RABL6: variants seen among roughly 807,000 people sequenced by gnomAD.
RABL6 encodes the protein rab-like protein 6.
In RABL6, 28 loss-of-function variants were observed where a neutral mutation model predicts 72.9. The ratio of observed to expected loss-of-function variants is 0.38; its 90% CI spans 0.28 to 0.53. RABL6 has a LOEUF of 0.53. RABL6 is among the 20% of genes least tolerant of loss of function. The pLI, the probability that RABL6 is intolerant of heterozygous loss-of-function variation, is 0.80. For synonymous variants in RABL6, 477 were observed against 421.2 expected (o/e 1.13, Z -1.62); for missense variants, 1,029 against 1,008.4 (o/e 1.02, Z -0.28).
At chr9:136,837,232 A>T in intron 8 of RABL6, 114 bp from the exon 9 acceptor site, 1 of 1,240,302 alleles carries the variant, frequency 8.1e-7, no homozygotes, top group Non-Finnish European at 1.2e-6. Flanking sequence ...CGGGTGGCCC[A>T]GAACACAGTG....
In RABL6 at chr9:136,840,794, A is replaced by G. The variant is rs747312411; in HGVS notation, c.*272A>G. ...CTGGCCCTCTCGGGGCAGAGCCGCC[A>G]GTGTTTCTCAGGGATGTGACTGAGG... On this transcript the variant is annotated 3_prime_UTR_variant, in exon 15 of 15. Coordinates refer to ENST00000311502, the MANE Select transcript of RABL6 (RefSeq NM_024718.5). The G allele has an allele frequency of 1.1e-5, 17 of 1,547,362 alleles. No homozygotes were observed. Among genetic ancestry groups the G allele is most frequent in the Non-Finnish European group, 1.5e-5 (17 of 1,146,768 alleles).
chr9:136,818,692 C>T (rs915057004), intron 1 of RABL6, among the ~76,000 whole-genome samples: 4 of 151,688 alleles, frequency 2.6e-5, no homozygotes, highest in Admixed American at 2.0e-4. Context: ...TTGCAGTGAG[C>T]CAAGACTGCA....
At position 136,840,404 on chromosome 9, in the gene RABL6, G is replaced by GGCAGCA; in HGVS notation, c.2075_2080dup (p.Gln692_Gln693dup). On this transcript the variant is annotated inframe_insertion, in exon 15 of 15. Coordinates refer to ENST00000311502, the MANE Select transcript of RABL6 (RefSeq NM_024718.5). ...GAGGGCAAGGAGGAGCGGCGACGGC[G>GGCAGCA]GCAGCAGCGGCCCCCGCGCAGCAGG... 5 of 1,550,770 alleles carry GGCAGCA rather than the reference G, an allele frequency of 3.2e-6. No homozygotes were observed. Among genetic ancestry groups the GGCAGCA allele is most frequent in the Non-Finnish European group, 4.4e-6 (5 of 1,147,234 alleles).
At chr9:136,829,043 C>G (rs1057325513) in intron 4 of RABL6, among the ~76,000 whole-genome samples, 2 of 152,204 alleles carry the variant, frequency 1.3e-5, no homozygotes, top group East Asian at 3.9e-4. Context: ...GGCACTGGAA[C>G]CTTCCGGAAC....
rs188295843 is a variant in RABL6, at chr9:136,822,633, C to T, written c.131-892C>T. 1.5e-4 allele frequency among the ~76,000 whole-genome samples: 23 copies of T among 152,334 alleles called. No homozygotes were observed. In the East Asian group the frequency reaches 2.1e-3, roughly 14 times the overall value. ...CTCCCGCCTTTGCTAAGTCCGTGCT[C>T]CCCTCCCAGCTGCCCTCCCTCCCCC... On this transcript the variant is annotated intron_variant, in intron 1 of 14. Coordinates refer to ENST00000311502, the MANE Select transcript of RABL6 (RefSeq NM_024718.5).
chr9:136,823,351 C>G (rs1305624373), intron 1 of RABL6, among the ~76,000 whole-genome samples, 174 bp from the exon 2 acceptor site: 1 of 152,184 alleles, frequency 6.6e-6, no homozygotes, highest in African/African-American at 2.4e-5. Flanking sequence ...GGAGAGGTTG[C>G]CATGGTACCC....
intron 1 of RABL6, among the ~76,000 whole-genome samples, chr9:136,811,214 A>G (rs1162224314): frequency 1.3e-5 from 2 of 152,210 alleles, no homozygotes; most frequent in Non-Finnish European, 2.9e-5. Context: ...GGTTTTATAC[A>G]TTTTAGACAT....
chr9:136,839,085 C>T lies in RABL6; in HGVS notation c.1457C>T (p.Pro486Leu), dbSNP rs763416950. ...EVAAPTKGPA[P>L]APQQCSEPET... ...GCAGCTCCCACAAAAGGCCCTGCCC[C>T]AGCTCCCCAGCAGTGCTCAGAGCCA... The change falls in exon 11 of 15, where the codon CCA (proline) becomes CTA (leucine). Residue 486 changes from proline to leucine, a missense_variant. Pro to Leu is a moderately conservative substitution (Grantham distance 98, BLOSUM62 -3). Around this residue, in one of 2 missense-constraint regions of RABL6, gnomAD observed 595 missense variants for 472.4 expected, o/e 1.26. Transcript: ENST00000311502. The T allele has an allele frequency of 7.4e-6, 12 of 1,612,416 alleles. No individual in the cohort carries two copies. In the East Asian group the frequency reaches 1.8e-4, roughly 24 times the overall value.
chr9:136,837,231 C>T (rs1848599221), intron 8 of RABL6, 115 bp from the exon 9 acceptor site: 3 of 1,234,424 alleles, frequency 2.4e-6, no homozygotes, highest in Non-Finnish European at 3.5e-6. Context: ...GCGGGTGGCC[C>T]AGAACACAGT....
chr9:136,811,533 G>A (rs1384398319), intron 1 of RABL6, among the ~76,000 whole-genome samples: 1 of 151,402 alleles, frequency 6.6e-6, no homozygotes, highest in Non-Finnish European at 1.5e-5. Context: ...CGGGAGAATC[G>A]CTTGAGCCCA....
intron 1 of RABL6, among the ~76,000 whole-genome samples, chr9:136,817,587 G>A (rs1032761025): frequency 6.6e-6 from 1 of 150,570 alleles, no homozygotes; most frequent in Non-Finnish European, 1.5e-5. Flanking sequence ...GGAGGCCGAC[G>A]TGGGCTGAGG....
chr9:136,808,028 C>G lies in RABL6; in HGVS notation c.-169C>G, dbSNP rs1847903455. ...GCGGAGCAGCCGCGGCTGAGGTTCC[C>G]GAGTCGCCGCTCGGGGCTGCGCTCC... is the stretch of plus-strand genomic sequence containing the variant. On this transcript the variant is annotated 5_prime_UTR_variant, in exon 1 of 15. Coordinates refer to ENST00000311502, the MANE Select transcript of RABL6 (RefSeq NM_024718.5). The G allele has an allele frequency of 1.1e-5, 12 of 1,045,990 alleles. No homozygotes were observed. Among genetic ancestry groups the G allele is most frequent in the South Asian group, 4.6e-5 (1 of 21,812 alleles). The allele number at this position is 1,045,990 out of a possible 1,614,324, so 64.8% of individuals were successfully genotyped here.
intron 2 of RABL6, among the ~76,000 whole-genome samples, chr9:136,824,828 A>G (rs1848318458): frequency 6.6e-6 from 1 of 152,180 alleles, no homozygotes; most frequent in Non-Finnish European, 1.5e-5. Context: ...CAGGACACAG[A>G]GCCCACAGGG....
intron 2 of RABL6, among the ~76,000 whole-genome samples, chr9:136,824,497 T>G (rs1299271625): frequency 6.6e-6 from 1 of 151,610 alleles, no homozygotes. Context: ...ACCCAGCTAA[T>G]TATTTGTATT....
chr9:136,830,260 G>A (rs762208628), intron 5 of RABL6, among the ~76,000 whole-genome samples: 1 of 152,234 alleles, frequency 6.6e-6, no homozygotes, highest in Non-Finnish European at 1.5e-5. Context: ...TAAGCGTACC[G>A]CCTGTCACGG....
chr9:136,811,652 C>T (rs1848014940), intron 1 of RABL6, among the ~76,000 whole-genome samples: 1 of 151,968 alleles, frequency 6.6e-6, no homozygotes, highest in Non-Finnish European at 1.5e-5. Context: ...ACCACCACAC[C>T]CAGCTAATTT....
At chr9:136,828,619 A>G (rs1003469620) in intron 4 of RABL6, 73 bp downstream of exon 4, 1 of 1,527,942 alleles carries the variant, frequency 6.5e-7, no homozygotes, top group African/African-American at 1.4e-5. Context: ...CCAGCGCTTC[A>G]CACGCTTTTG....
At position 136,826,408 on chromosome 9, in the gene RABL6, G is replaced by C. The variant is rs1027631265; in HGVS notation, c.313+582G>C. ...TGGTCCGTGTGCATGTGTGGTGTGT[G>C]CAGGGCTGGCCACGTGCACGCCCCG... On this transcript the variant is annotated intron_variant, in intron 3 of 14. Coordinates refer to ENST00000311502, the MANE Select transcript of RABL6 (RefSeq NM_024718.5). The surrounding 1 kb of genome is among the most constrained non-coding windows in gnomAD (Gnocchi z 4.9). Among the ~76,000 whole-genome samples the C allele has an allele frequency of 7.9e-5, 12 of 152,194 alleles. No individual in the cohort carries two copies. Among genetic ancestry groups the C allele is most frequent in the Non-Finnish European group, 1.2e-4 (8 of 68,026 alleles).
chr9:136,822,075 A>T (rs1848249796), intron 1 of RABL6: 1 of 1,289,106 alleles, frequency 7.8e-7, no homozygotes, highest in Non-Finnish European at 1.0e-6. Context: ...AGGTAGAGGG[A>T]GGGGACTGGG....
Sources: allele counts gnomAD v4.1 joint callset (sites outside exome capture counted in the v4.1 genomes callset), GRCh38; gene constraint gnomAD v4.1.1; regional missense constraint gnomAD v4.1.1; non-coding constraint Gnocchi (gnomAD v3.1); transcripts MANE v1.5; gene names NCBI Gene and HGNC (gene_info 2026-07-23, HGNC 2026-07-21).